PCNX1: variants seen among roughly 807,000 people sequenced by gnomAD.
PCNX1 encodes pecanex-like protein 1.
Under a neutral mutation model 242.2 loss-of-function variants are expected in PCNX1, and 78 were observed. The ratio of observed to expected loss-of-function variants is 0.32; its 90% confidence interval spans 0.27 to 0.39. PCNX1 has a LOEUF of 0.39. Ranked by LOEUF, PCNX1 falls within the 10% of genes least tolerant of loss-of-function variation. The probability of loss-of-function intolerance (pLI) is 1.00; values close to 1 mark genes in which losing one functional copy is unlikely to be tolerated. For missense variants in PCNX1, 2,581 were observed against 2,856.5 expected, an observed-to-expected ratio of 0.90 and a Z score of 2.20; for synonymous variants, 1,024 against 1,032.9, an observed-to-expected ratio of 0.99 and a Z score of 0.17.
chr14:71,055,357 C>G, intron 24 of PCNX1, 147 bp from the exon 25 acceptor site: 1 of 555,222 alleles, frequency 1.8e-6, no homozygotes, highest in Non-Finnish European at 3.3e-6. Context: ...GGCATTTTAT[C>G]ATTATACTAA....
At chr14:71,096,369 G>A (rs534214287) in intron 30 of PCNX1, among the ~76,000 whole-genome samples, 8 of 152,210 alleles carry the variant, frequency 5.3e-5, no homozygotes, top group African/African-American at 1.4e-4. Flanking sequence ...TACTTAGGAG[G>A]CTAAGGTGAG....
In PCNX1 at chr14:70,907,842, C is replaced by A. The variant is rs757574242; in HGVS notation, c.-9C>A. On this transcript the variant is annotated 5_prime_UTR_variant, in exon 1 of 36. Transcript: ENST00000304743. Reference sequence around the variant, plus strand: ...GCGGCGGCGGCGACGGCGGCGGCGCCGGGTGGGGATGGGGTCGCAGACGCT... The same window carrying A: ...GCGGCGGCGGCGACGGCGGCGGCGCAGGGTGGGGATGGGGTCGCAGACGCT... The A allele has an allele frequency of 1.5e-6, 2 of 1,295,440 alleles. No homozygotes were observed. The highest frequency in any genetic ancestry group is 3.1e-5 in the African/African-American group (2 of 64,858). 80.2% of individuals were successfully genotyped at this position (1,295,440 alleles called of 1,614,324 possible).
chr14:70,980,454 G>C (rs1466448076), intron 6 of PCNX1, among the ~76,000 whole-genome samples: 6 of 152,014 alleles, frequency 3.9e-5, no homozygotes, highest in Non-Finnish European at 7.4e-5. Context: ...GTAATAGTCT[G>C]TGGGCTGTTT....
intron 15 of PCNX1, among the ~76,000 whole-genome samples, chr14:71,027,831 G>A (rs540012177): frequency 6.6e-6 from 1 of 151,978 alleles, no homozygotes; most frequent in Admixed American, 6.6e-5. Context: ...GGCTTAATGG[G>A]TAGAAGACAG....
At chr14:70,939,601 A>G (rs918626595) in intron 1 of PCNX1, among the ~76,000 whole-genome samples, 1 of 152,152 alleles carries the variant, frequency 6.6e-6, no homozygotes, top group South Asian at 2.1e-4. Flanking sequence ...AGAAGAATGT[A>G]TATTCTGTTG....
intron 30 of PCNX1, chr14:71,093,978 T>C (rs753393645): frequency 2.0e-5 from 3 of 152,252 alleles, no homozygotes; most frequent in Non-Finnish European, 2.9e-5. Flanking sequence ...TTAGTAAGGC[T>C]TCTAGTCAAC....
At chr14:70,922,749 G>A (rs1432296670) in intron 1 of PCNX1, among the ~76,000 whole-genome samples, 2 of 149,952 alleles carry the variant, frequency 1.3e-5, no homozygotes, top group Non-Finnish European at 3.0e-5. Context: ...GGGACATTTA[G>A]GTCATTACCT....
intron 2 of PCNX1, among the ~76,000 whole-genome samples, chr14:70,954,166 A>G (rs1030792844): frequency 2.6e-5 from 4 of 152,150 alleles, no homozygotes; most frequent in East Asian, 1.9e-4. Flanking sequence ...TAAGTGGACT[A>G]TCTTTTCCTT....
intron 1 of PCNX1, among the ~76,000 whole-genome samples, chr14:70,922,758 C>CTT (rs200836942): frequency 4.0e-3 from 531 of 132,310 alleles, no homozygotes; most frequent in African/African-American, 0.013. Flanking sequence ...AGGTCATTAC[C>CTT]TTTTTTTTTT....
rs1314332263 is a variant in PCNX1 at position 70,907,820 on chromosome 14, G to GCGGCGGCGA, written c.-22_-14dup. ...GGCCGGGGCGGGGACGGCGGCGGCG[G>GCGGCGGCGA]CGGCGGCGACGGCGGCGGCGCCGGG... On this transcript the variant is annotated 5_prime_UTR_variant, in exon 1 of 36. Coordinates refer to ENST00000304743, the MANE Select transcript of PCNX1 (RefSeq NM_014982.3). 38 of 1,245,080 alleles carry GCGGCGGCGA rather than the reference G, an allele frequency of 3.1e-5. No individual in the cohort carries two copies. In the Middle Eastern group the frequency reaches 1.6e-3, roughly 52 times the overall value. The allele number at this position is 1,245,080 out of a possible 1,614,324, so 77.1% of individuals were successfully genotyped here.
Position 71,056,193 on chromosome 14 carries a change from C to G in PCNX1, c.4636+631C>G, listed in dbSNP as rs1035411565. Among the ~76,000 whole-genome samples, 8 of 152,266 alleles carry G rather than the reference C, an allele frequency of 5.3e-5. No individual in the cohort carries two copies. The East Asian group carries it at 7.7e-4, about 15-fold the overall frequency. ...TTAATTTACTAAAATAAATATTACT[C>G]CCAAATACACTGGAATATTTGTATC... On this transcript the variant is annotated intron_variant, in intron 25 of 35. Coordinates refer to ENST00000304743, the MANE Select transcript of PCNX1 (RefSeq NM_014982.3).
At chr14:71,039,634 C>T (rs2060649564) in intron 19 of PCNX1, among the ~76,000 whole-genome samples, 1 of 152,178 alleles carries the variant, frequency 6.6e-6, no homozygotes, top group African/African-American at 2.4e-5. Context: ...AGTACAAAAG[C>T]AAGAGGCAAG....
chr14:70,922,316 T>C (rs1780922463), intron 1 of PCNX1, among the ~76,000 whole-genome samples: 1 of 152,150 alleles, frequency 6.6e-6, no homozygotes, highest in Non-Finnish European at 1.5e-5. Context: ...TTAAAAAATC[T>C]TTAATAGGTA....
intron 30 of PCNX1, among the ~76,000 whole-genome samples, chr14:71,095,065 G>A (rs2062238505): frequency 6.6e-6 from 1 of 152,158 alleles, no homozygotes; most frequent in Non-Finnish European, 1.5e-5. Context: ...CAATTTTGTA[G>A]AAGATTAACC....
intron 2 of PCNX1, among the ~76,000 whole-genome samples, chr14:70,957,806 GTA>G (rs753626296): frequency 1.3e-5 from 2 of 150,670 alleles, no homozygotes; most frequent in Non-Finnish European, 3.0e-5. Flanking sequence ...ATATGTGTAT[GTA>G]TATGTGTGTG....
intron 1 of PCNX1, among the ~76,000 whole-genome samples, chr14:70,932,389 T>C (rs1566582189): frequency 6.6e-6 from 1 of 152,092 alleles, no homozygotes; most frequent in Admixed American, 6.5e-5. Flanking sequence ...AAGGGTGATC[T>C]AGATTGTTTT....
intron 2 of PCNX1, among the ~76,000 whole-genome samples, chr14:70,947,938 C>T (rs758421321): frequency 2.0e-5 from 3 of 152,160 alleles, no homozygotes; most frequent in Non-Finnish European, 4.4e-5. Flanking sequence ...GTCTGTCTTA[C>T]GCAGTTGTGG....
intron 13 of PCNX1, among the ~76,000 whole-genome samples, chr14:71,025,432 C>A (rs139040746): frequency 2.0e-5 from 3 of 151,886 alleles, no homozygotes; most frequent in African/African-American, 2.4e-5. Flanking sequence ...GGAGCCCCCC[C>A]ACCTTTTTTG....
At chr14:70,948,467 A>G (rs1245164885) in intron 2 of PCNX1, among the ~76,000 whole-genome samples, 1 of 152,108 alleles carries the variant, frequency 6.6e-6, no homozygotes, top group East Asian at 1.9e-4. Flanking sequence ...ATAGTTACTT[A>G]CACTAGAGAC....
Sources: allele counts gnomAD v4.1 joint callset (sites outside exome capture counted in the v4.1 genomes callset), GRCh38; gene constraint gnomAD v4.1.1; transcripts MANE v1.5; gene names NCBI Gene and HGNC (gene_info 2026-07-23, HGNC 2026-07-21).